Variants in PCSK5 observed in about 807,000 individuals in gnomAD.
PCSK5 encodes the protein proprotein convertase subtilisin/kexin type 5.
In PCSK5, 129 loss-of-function variants were observed where a neutral mutation model predicts 233.2. The ratio of observed to expected loss-of-function variants is 0.55; its 90% CI spans 0.48 to 0.64. The LOEUF is 0.64. Ranked by LOEUF, PCSK5 falls within the 30% of genes least tolerant of loss-of-function variation. PCSK5 has a pLI of 0.00. For missense variants in PCSK5, 2,076 were observed against 2,430.1 expected (o/e 0.85, Z 3.06); for synonymous variants, 825 against 879.2 (o/e 0.94, Z 1.09).
intron 24 of PCSK5, among the ~76,000 whole-genome samples, chr9:76,257,892 T>C (rs1004524771): frequency 1.3e-5 from 2 of 152,244 alleles, no homozygotes. Flanking sequence ...CTTTCCTTTA[T>C]GTATATATGT....
intron 1 of PCSK5, among the ~76,000 whole-genome samples, chr9:75,927,219 G>A (rs1469030187): frequency 6.6e-6 from 1 of 152,130 alleles, no homozygotes; most frequent in Non-Finnish European, 1.5e-5. Context: ...GTGCGTATTG[G>A]CCATTTGTAT....
At chr9:76,353,965 A>G in intron 36 of PCSK5, 68 bp from the exon 37 acceptor site, 1 of 1,113,586 alleles carries the variant, frequency 9.0e-7, no homozygotes, top group East Asian at 2.5e-5. Flanking sequence ...ATGAGATACA[A>G]TCTGGGAACT....
At chr9:76,341,573 C>T (rs956096259) in intron 35 of PCSK5, among the ~76,000 whole-genome samples, 8 of 152,220 alleles carry the variant, frequency 5.3e-5, no homozygotes, top group Admixed American at 3.3e-4. Flanking sequence ...GGGTTACAGG[C>T]GTGAGCCACT....
chr9:76,198,882 C>T (rs1824801709), intron 20 of PCSK5, among the ~76,000 whole-genome samples: 2 of 152,208 alleles, frequency 1.3e-5, no homozygotes, highest in African/African-American at 2.4e-5. Flanking sequence ...AGCAAGCTCA[C>T]TTCACTAATC....
chr9:75,892,153 G>T (rs369631443), intron 1 of PCSK5, among the ~76,000 whole-genome samples: 1 of 152,196 alleles, frequency 6.6e-6, no homozygotes, highest in Non-Finnish European at 1.5e-5. Context: ...GCCGTGGGGC[G>T]AGAGTTGGGC....
intron 1 of PCSK5, among the ~76,000 whole-genome samples, chr9:75,911,717 T>C (rs927274930): frequency 6.6e-6 from 1 of 152,150 alleles, no homozygotes; most frequent in African/African-American, 2.4e-5. Context: ...TGCTGGTTGC[T>C]GGTGCTGGCT....
chr9:76,292,061 C>T (rs1368597316), intron 24 of PCSK5, among the ~76,000 whole-genome samples, 172 bp from the exon 25 acceptor site: 1 of 152,126 alleles, frequency 6.6e-6, no homozygotes, highest in Non-Finnish European at 1.5e-5. Context: ...TCCTAGTGTA[C>T]ATCTTGTTGC....
At chr9:76,047,318 G>T (rs1417353022) in intron 5 of PCSK5, among the ~76,000 whole-genome samples, 1 of 151,230 alleles carries the variant, frequency 6.6e-6, no homozygotes, top group Non-Finnish European at 1.5e-5. Context: ...GGATAGTCTC[G>T]ATCTGCTGAC....
At chr9:76,169,661 G>T in intron 12 of PCSK5, 43 bp from the exon 13 acceptor site, 1 of 1,598,946 alleles carries the variant, frequency 6.3e-7, no homozygotes, top group South Asian at 1.1e-5. Flanking sequence ...GACCCTCATT[G>T]GATTTGAAAT....
At chr9:76,167,325 T>G (rs1384076190) in intron 12 of PCSK5, among the ~76,000 whole-genome samples, 1 of 152,220 alleles carries the variant, frequency 6.6e-6, no homozygotes, top group East Asian at 1.9e-4. Context: ...TGGAAATTGA[T>G]AAAACACATT....
intron 21 of PCSK5, among the ~76,000 whole-genome samples, chr9:76,230,782 T>A (rs775784076): frequency 1.3e-4 from 20 of 152,098 alleles, no homozygotes; most frequent in Non-Finnish European, 1.3e-4. Context: ...TATGAGAATC[T>A]AATGCCTGAT....
intron 34 of PCSK5, among the ~76,000 whole-genome samples, chr9:76,334,707 G>T (rs1272516002): frequency 2.0e-5 from 3 of 152,136 alleles, no homozygotes; most frequent in Non-Finnish European, 2.9e-5. Flanking sequence ...CTCCAACCTG[G>T]AGCAAGATTC....
At chr9:76,049,572 T>C (rs1406545211) in intron 5 of PCSK5, among the ~76,000 whole-genome samples, 1 of 152,184 alleles carries the variant, frequency 6.6e-6, no homozygotes, top group African/African-American at 2.4e-5. Context: ...CTGTGCAGAG[T>C]GCAGAGTGCA....
At chr9:75,953,571 T>G (rs886545201) in intron 2 of PCSK5, among the ~76,000 whole-genome samples, 1 of 152,190 alleles carries the variant, frequency 6.6e-6, no homozygotes, top group Admixed American at 6.5e-5. Context: ...CATGCTTGTT[T>G]CTTCCTGCTT....
At chr9:76,335,031 T>C (rs1000337447) in intron 34 of PCSK5, among the ~76,000 whole-genome samples, 3 of 152,164 alleles carry the variant, frequency 2.0e-5, no homozygotes, top group Non-Finnish European at 4.4e-5. Flanking sequence ...TGAGCCAAGA[T>C]CGCACCACTG....
At chr9:75,963,740 A>T (rs1288763978) in intron 2 of PCSK5, among the ~76,000 whole-genome samples, 3 of 152,150 alleles carry the variant, frequency 2.0e-5, no homozygotes, top group Non-Finnish European at 4.4e-5. Context: ...TTAGCCGGGC[A>T]TGGTGGCACG....
rs999885195 is a variant in PCSK5 at position 76,350,928 on chromosome 9, G to C, written c.5067G>C (p.Glu1689Asp). 1.3e-6 allele frequency: 2 copies of C among 1,546,236 alleles called. No homozygotes were observed. Among genetic ancestry groups the C allele is most frequent in the Non-Finnish European group, 1.8e-6 (2 of 1,123,084 alleles). ...DCLVGEYRVG[E>D]GEKFNCEKCH... ...TTGTGGGGGAATACAGAGTGGGAGA[G>C]GTATGGAGGGCTGGGGGTCCTGGGC... The change falls in exon 36 of 38, where the codon GAG becomes GAC. Residue 1689 changes from glutamate to aspartate, a missense_variant and splice_region_variant. This residue lies in a region of PCSK5 where 1,510 missense variants were observed against 1,538.1 expected (regional missense o/e 0.98). Transcript: ENST00000674117.
intron 1 of PCSK5, among the ~76,000 whole-genome samples, chr9:75,927,392 C>G (rs1045221339): frequency 6.6e-6 from 1 of 151,982 alleles, no homozygotes; most frequent in Non-Finnish European, 1.5e-5. Context: ...CCCAAGAGAA[C>G]TGACAGGTTC....
intron 2 of PCSK5, among the ~76,000 whole-genome samples, chr9:75,944,924 A>T (rs1399905344): frequency 2.0e-5 from 3 of 152,096 alleles, no homozygotes; most frequent in Non-Finnish European, 4.4e-5. Flanking sequence ...AGCCTGACCA[A>T]CATGGAGAAA....
Sources: gnomAD v4.1 joint callset for allele counts (sites outside exome capture counted in the v4.1 genomes callset) on GRCh38, gnomAD v4.1.1 for gene constraint, gnomAD v4.1.1 regional missense constraint, MANE v1.5 for transcripts, NCBI Gene and HGNC (gene_info 2026-07-23, HGNC 2026-07-21) for gene names.